TSPAN9: variants seen among roughly 807,000 people sequenced by gnomAD.
TSPAN9 encodes the protein tetraspanin 9, also known as tetraspanin-9.
Under a neutral mutation model 31.0 loss-of-function variants are expected in TSPAN9, and 16 were observed. That is an observed-to-expected ratio of 0.52 (90% confidence interval 0.35 to 0.78). The LOEUF is 0.78. Among genes scored for constraint, TSPAN9 ranks in the 30% least tolerant of loss-of-function variants. TSPAN9 has a pLI of 0.01. For synonymous variants in TSPAN9, 145 were observed against 121.6 expected (o/e 1.19, Z -1.27); for missense variants, 272 against 312.5 (o/e 0.87, Z 0.98).
At chr12:3,250,261 C>T (rs746958557) in intron 3 of TSPAN9, among the ~76,000 whole-genome samples, 5 of 152,152 alleles carry the variant, frequency 3.3e-5, no homozygotes, top group Non-Finnish European at 5.9e-5. Flanking sequence ...AAAGCTCAGA[C>T]GCCCTTTATT....
chr12:3,145,686 C>T (rs1358996243), intron 2 of TSPAN9, among the ~76,000 whole-genome samples: 1 of 152,240 alleles, frequency 6.6e-6, no homozygotes, highest in Non-Finnish European at 1.5e-5. Flanking sequence ...CTGTCCTGCT[C>T]ATTCCTCATT....
At chr12:3,155,922 GC>G (rs2098342035) in intron 2 of TSPAN9, among the ~76,000 whole-genome samples, 2 of 152,170 alleles carry the variant, frequency 1.3e-5, no homozygotes, top group African/African-American at 4.8e-5. Context: ...TCTTCAGGAC[GC>G]CGAAAGGACT....
intron 3 of TSPAN9, among the ~76,000 whole-genome samples, chr12:3,234,535 G>C (rs1042420947): frequency 2.6e-4 from 39 of 152,270 alleles, no homozygotes; most frequent in African/African-American, 9.1e-4. Context: ...CATCTTTCCC[G>C]TTCCTTACCT....
chr12:3,259,550 C>G (rs1168843029), intron 3 of TSPAN9, among the ~76,000 whole-genome samples: 1 of 152,142 alleles, frequency 6.6e-6, no homozygotes, highest in African/African-American at 2.4e-5. Context: ...GGAAGACAGA[C>G]AATGATAAAT....
At chr12:3,207,234 G>C (rs1266192035) in intron 3 of TSPAN9, among the ~76,000 whole-genome samples, 1 of 151,856 alleles carries the variant, frequency 6.6e-6, no homozygotes, top group Admixed American at 6.6e-5. Flanking sequence ...TGTCACTCGG[G>C]CTCAAGCTGT....
intron 2 of TSPAN9, among the ~76,000 whole-genome samples, chr12:3,118,507 C>T (rs191437540): frequency 1.3e-4 from 20 of 152,072 alleles, no homozygotes; most frequent in South Asian, 2.1e-4. Flanking sequence ...ATGATCCGAC[C>T]GCCTTGGCCT....
intron 3 of TSPAN9, among the ~76,000 whole-genome samples, chr12:3,249,556 G>A (rs1407593101): frequency 3.9e-5 from 6 of 152,272 alleles, no homozygotes; most frequent in African/African-American, 1.2e-4. Flanking sequence ...TTGGTCGTCT[G>A]TGCCCATGCC....
chr12:3,096,087 C>T (rs2098308634), intron 2 of TSPAN9, among the ~76,000 whole-genome samples: 1 of 152,144 alleles, frequency 6.6e-6, no homozygotes, highest in African/African-American at 2.4e-5. Flanking sequence ...GACAGCTCCG[C>T]TGCCCGCTGA....
intron 2 of TSPAN9, among the ~76,000 whole-genome samples, chr12:3,148,679 CAGA>C (rs1160824215): frequency 6.6e-6 from 1 of 152,216 alleles, no homozygotes; most frequent in Non-Finnish European, 1.5e-5. Context: ...GGAGCAAGGT[CAGA>C]GTGGAGCCGA....
At chr12:3,267,159 C>G (rs983815567) in intron 3 of TSPAN9, among the ~76,000 whole-genome samples, 14 of 152,226 alleles carry the variant, frequency 9.2e-5, no homozygotes, top group Non-Finnish European at 1.9e-4. Context: ...GAGCCCCCAG[C>G]CCCTTCGCCA....
intron 3 of TSPAN9, among the ~76,000 whole-genome samples, chr12:3,226,767 TATATATATATATATA>T (rs2098387814): frequency 1.2e-3 from 4 of 3,286 alleles, no homozygotes; most frequent in Non-Finnish European, 2.1e-3. Context: ...TATATATATA[TATATATATATATATA>T]TATATATATA....
intron 3 of TSPAN9, among the ~76,000 whole-genome samples, chr12:3,258,613 T>TCCC (rs778800155): frequency 9.2e-5 from 14 of 151,710 alleles, no homozygotes; most frequent in African/African-American, 3.4e-4. Flanking sequence ...TTATCTTCCC[T>TCCC]CCTCCTCCTC....
intron 2 of TSPAN9, among the ~76,000 whole-genome samples, chr12:3,177,200 C>T (rs551823734): frequency 1.5e-4 from 23 of 151,868 alleles, no homozygotes; most frequent in African/African-American, 4.8e-4. Flanking sequence ...TGCAGTGGTG[C>T]GATCTCGGCT....
chr12:3,268,160 A>G (rs11615775), intron 3 of TSPAN9, among the ~76,000 whole-genome samples: 54,913 of 129,054 alleles, frequency 0.43, 16,190 homozygotes, highest in East Asian at 0.58. Context: ...CCCTCCGTGC[A>G]TTCCTGCAGC....
intron 2 of TSPAN9, among the ~76,000 whole-genome samples, chr12:3,136,596 A>C (rs2098332245): frequency 6.6e-6 from 1 of 152,126 alleles, no homozygotes. Context: ...GCGGGTTTGC[A>C]TGAGTAGGGT....
At chr12:3,118,098 A>G (rs2098323245) in intron 2 of TSPAN9, among the ~76,000 whole-genome samples, 1 of 151,956 alleles carries the variant, frequency 6.6e-6, no homozygotes, top group Non-Finnish European at 1.5e-5. Flanking sequence ...AGTGGGGATT[A>G]TAAAGGCTCT....
At chr12:3,099,059 A>G (rs753177567) in intron 2 of TSPAN9, among the ~76,000 whole-genome samples, 1 of 152,040 alleles carries the variant, frequency 6.6e-6, no homozygotes, top group East Asian at 1.9e-4. Flanking sequence ...GGCCTATTTT[A>G]TCTCTTAACT....
At chr12:3,221,959 G>A (rs1176686583) in intron 3 of TSPAN9, among the ~76,000 whole-genome samples, 1 of 152,232 alleles carries the variant, frequency 6.6e-6, no homozygotes, top group Non-Finnish European at 1.5e-5. Flanking sequence ...AAGTTTTAAA[G>A]ATACCTGAGC....
At chr12:3,242,251 G>A (rs1417636844) in intron 3 of TSPAN9, among the ~76,000 whole-genome samples, 2 of 152,248 alleles carry the variant, frequency 1.3e-5, no homozygotes, top group African/African-American at 4.8e-5. Context: ...GGGTTGAGCT[G>A]CTTCAGGGCA....
Sources: gnomAD v4.1 joint callset for allele counts (sites outside exome capture counted in the v4.1 genomes callset) on GRCh38, gnomAD v4.1.1 for gene constraint, MANE v1.5 for transcripts, NCBI Gene and HGNC (gene_info 2026-07-23, HGNC 2026-07-21) for gene names.